RIMS3: variants seen among roughly 807,000 people sequenced by gnomAD.
RIMS3 encodes regulating synaptic membrane exocytosis protein 3.
A neutral mutation model predicts 29.2 loss-of-function variants in RIMS3; 15 were observed. The observed-to-expected ratio is 0.51, with a 90% CI of 0.34 to 0.79. The LOEUF is 0.79. RIMS3 is among the 30% of genes least tolerant of loss of function. RIMS3 has a pLI of 0.01. For synonymous variants in RIMS3, 161 were observed against 170.1 expected, an observed-to-expected ratio of 0.95 and a Z score of 0.41; for missense variants, 342 against 421.4, an observed-to-expected ratio of 0.81 and a Z score of 1.65.
chr1:40,627,198 G>A (rs1028316282), intron 7 of RIMS3, among the ~76,000 whole-genome samples: 3 of 152,144 alleles, frequency 2.0e-5, no homozygotes, highest in African/African-American at 7.2e-5. Context: ...TAAGCTCCAT[G>A]CCCTCACTGG....
intron 4 of RIMS3, among the ~76,000 whole-genome samples, chr1:40,634,942 A>AC (rs572912669): frequency 2.6e-5 from 3 of 114,968 alleles, no homozygotes; most frequent in Non-Finnish European, 2.1e-5. Context: ...ACTCCATCAC[A>AC]AAAAAAAAAA....
chr1:40,686,406 A>C, the RIMS3 span, among the ~76,000 whole-genome samples: 5 of 152,114 alleles, frequency 3.3e-5, no homozygotes, highest in Non-Finnish European at 5.9e-5. Context: ...TAATCCCAGC[A>C]CTTTGGGAGG....
chr1:40,622,713 G>C lies in RIMS3; in HGVS notation c.*3804C>G, dbSNP rs1015516599. ...AAGGCAGCAATTTCTTGCAGAGTTT[G>C]CACAGTGCTAGAGGCAACCAGAGAG... On this transcript the variant is annotated 3_prime_UTR_variant, in exon 8 of 8. Coordinates refer to ENST00000372684, the MANE Select transcript of RIMS3 (RefSeq NM_014747.3). 6.5e-6 allele frequency: 1 copy of C among 152,682 alleles called. No homozygotes were observed. Among genetic ancestry groups the C allele is most frequent in the African/African-American group, 2.4e-5 (1 of 41,432 alleles). 9.5% of individuals were successfully genotyped at this position (152,682 alleles called of 1,614,324 possible). A position where few individuals can be genotyped will look rare whatever the true frequency, so the allele number is the denominator to read the frequency against.
the RIMS3 span, among the ~76,000 whole-genome samples, chr1:40,678,836 C>T: frequency 2.6e-5 from 4 of 152,154 alleles, no homozygotes; most frequent in East Asian, 1.9e-4. Context: ...GCCAGAGGAA[C>T]GCTGTGTCAG....
chr1:40,664,450 A>G (rs1642396681), intron 1 of RIMS3, among the ~76,000 whole-genome samples: 1 of 152,104 alleles, frequency 6.6e-6, no homozygotes, highest in African/African-American at 2.4e-5. Context: ...CAGACTTAAG[A>G]AGTCATCATG....
rs942565106 is a variant in RIMS3, at chr1:40,664,281, G to A, written c.-207+1113C>T. ...CTCCCAACCAAGAATGCCCCATTAG[G>A]CTACCCACATGCCCCCAGGGACAGT... On this transcript the variant is annotated intron_variant, in intron 1 of 7. Transcript: ENST00000372684. Among the ~76,000 whole-genome samples, 57 of 151,968 alleles carry A rather than the reference G, an allele frequency of 3.8e-4. 1 individual carries two copies. Among genetic ancestry groups the A allele is most frequent in the Admixed American group, 3.7e-3 (57 of 15,270 alleles).
chr1:40,688,922 G>T, the RIMS3 span, among the ~76,000 whole-genome samples: 8 of 152,200 alleles, frequency 5.3e-5, no homozygotes, highest in South Asian at 8.3e-4. Flanking sequence ...CCTTCTTCAG[G>T]TTCCTCCCAT....
At position 40,662,193 on chromosome 1, in the gene RIMS3, C is replaced by T. The variant is rs149905454; in HGVS notation, c.-207+3201G>A. On this transcript the variant is annotated intron_variant, in intron 1 of 7. Coordinates refer to ENST00000372684, the MANE Select transcript of RIMS3 (RefSeq NM_014747.3). ...TTAGTATCCTGCTAGACTAGGAAATCGGGCCAGGCTGTCCTGGGCCTGCCC... is the reference window on the plus strand; with the variant it reads ...TTAGTATCCTGCTAGACTAGGAAATTGGGCCAGGCTGTCCTGGGCCTGCCC... Among the ~76,000 whole-genome samples, 69 of 152,240 alleles carry T rather than the reference C, an allele frequency of 4.5e-4. No individual in the cohort carries two copies. In the East Asian group the frequency reaches 0.012, roughly 27 times the overall value.
rs115321827 is a variant in RIMS3 at position 40,646,352 on chromosome 1, G to A, written c.-32+1316C>T. Reference sequence around the variant, plus strand: ...CCACAGGGATGGAAAAGGGAAGGTGGTGGAGACTGTGGCAGAGTGGTTAGG... The same window carrying A: ...CCACAGGGATGGAAAAGGGAAGGTGATGGAGACTGTGGCAGAGTGGTTAGG... On this transcript the variant is annotated intron_variant, in intron 2 of 7. Coordinates refer to ENST00000372684, the MANE Select transcript of RIMS3 (RefSeq NM_014747.3). Among the ~76,000 whole-genome samples, 678 of 152,288 alleles carry A rather than the reference G, an allele frequency of 4.5e-3. 3 individuals carry two copies. The highest frequency in any genetic ancestry group is 0.016 in the African/African-American group (645 of 41,552).
rs1000509029 is a variant in RIMS3 at position 40,620,858 on chromosome 1, A to G, written c.*5659T>C. ...CAACAAGTTAGGAAAGATGCTGCAC[A>G]TAGAAAATGTATAGAGCACAGATAT... On this transcript the variant is annotated 3_prime_UTR_variant, in exon 8 of 8. Coordinates refer to ENST00000372684, the MANE Select transcript of RIMS3 (RefSeq NM_014747.3). 2.0e-5 allele frequency: 3 copies of G among 152,700 alleles called. No homozygotes were observed. Among genetic ancestry groups the G allele is most frequent in the Non-Finnish European group, 4.4e-5 (3 of 68,054 alleles). The allele number at this position is 152,700 out of a possible 1,614,324, so 9.5% of individuals were successfully genotyped here.
chr1:40,626,566 C>T lies in RIMS3; in HGVS notation c.878G>A (p.Arg293His), dbSNP rs768755559. 23 of 1,613,310 alleles carry T rather than the reference C, an allele frequency of 1.4e-5. No homozygotes were observed. The highest frequency in any genetic ancestry group is 4.4e-5 in the South Asian group (4 of 90,982). The change falls in exon 8 of 8, where the codon CGC becomes CAC. Residue 293 changes from arginine to histidine, a missense_variant. By Grantham distance (29) the Arg-to-His change is conservative. Coordinates refer to ENST00000372684, the MANE Select transcript of RIMS3 (RefSeq NM_014747.3). ...ACTCTCCAGGGAAGACTGGGACAGG[C>T]GCCTGGTGAGGGATCCGAGTGTGGA... ...ADSTLGSLTR[R>H]LSQSSLESAT...
the RIMS3 span, chr1:40,691,810 G>A: frequency 2.2e-6 from 1 of 445,594 alleles, no homozygotes; most frequent in East Asian, 7.8e-5. Context: ...CCTCTGCATT[G>A]CCCGACTCCG....
chr1:40,678,415 CA>C, the RIMS3 span, among the ~76,000 whole-genome samples: 4 of 151,818 alleles, frequency 2.6e-5, no homozygotes, highest in Non-Finnish European at 5.9e-5. Flanking sequence ...CTCAAACAAA[CA>C]AACAAAAAAA....
the RIMS3 span, among the ~76,000 whole-genome samples, chr1:40,672,228 TC>T: frequency 5.8e-5 from 8 of 137,278 alleles, no homozygotes; most frequent in Non-Finnish European, 1.2e-4. Flanking sequence ...AGACGGAGTC[TC>T]GCTCTTTCAC....
chr1:40,631,092 C>T (rs1018680086), intron 5 of RIMS3, among the ~76,000 whole-genome samples: 2 of 152,160 alleles, frequency 1.3e-5, no homozygotes, highest in Non-Finnish European at 2.9e-5. Context: ...TGAGCACTGT[C>T]CTGATGGGGG....
chr1:40,675,925 CA>C, the RIMS3 span, among the ~76,000 whole-genome samples: 57 of 142,086 alleles, frequency 4.0e-4, no homozygotes, highest in South Asian at 6.7e-4. Flanking sequence ...AAGACCCTGT[CA>C]AAAAAAAAAA....
At chr1:40,682,515 G>C in the RIMS3 span, among the ~76,000 whole-genome samples, 1 of 151,526 alleles carries the variant, frequency 6.6e-6, no homozygotes, top group East Asian at 1.9e-4. Context: ...TTGAGTTCTC[G>C]CTCCCCATGT....
intron 3 of RIMS3, among the ~76,000 whole-genome samples, chr1:40,638,550 C>T (rs902030651): frequency 9.9e-5 from 15 of 152,244 alleles, no homozygotes; most frequent in Non-Finnish European, 2.1e-4. Context: ...ACCACCACTC[C>T]CTATGGCATC....
intron 1 of RIMS3, among the ~76,000 whole-genome samples, chr1:40,655,434 C>T (rs575912011): frequency 1.3e-5 from 2 of 152,274 alleles, no homozygotes; most frequent in African/African-American, 4.8e-5. Context: ...CATGAGCCCC[C>T]CTCCCAAGCA....
Sources: gnomAD v4.1 joint callset for allele counts (sites outside exome capture counted in the v4.1 genomes callset) on GRCh38, gnomAD v4.1.1 for gene constraint, MANE v1.5 for transcripts, NCBI Gene and HGNC (gene_info 2026-07-23, HGNC 2026-07-21) for gene names.